RBFOX2: variants seen among roughly 807,000 people sequenced by gnomAD.
RBFOX2 encodes the protein RNA binding protein fox-1 homolog 2.
Under a neutral mutation model 49.1 loss-of-function variants are expected in RBFOX2, and 10 were observed. The ratio of observed to expected loss-of-function variants is 0.20; its 90% CI spans 0.13 to 0.35. The LOEUF is 0.35. RBFOX2 is among the 10% of genes least tolerant of loss of function. RBFOX2 has a pLI of 1.00. For missense variants in RBFOX2, 323 were observed against 486.9 expected (o/e 0.66, Z 3.17); for synonymous variants, 183 against 187.4 (o/e 0.98, Z 0.19).
chr22:35,951,242 T>C (rs1302032481), intron 1 of RBFOX2, among the ~76,000 whole-genome samples: 1 of 71,706 alleles, frequency 1.4e-5, no homozygotes, highest in Admixed American at 1.3e-4. Context: ...CACCCGGCCC[T>C]TTTTTTTTTT....
intron 1 of RBFOX2, among the ~76,000 whole-genome samples, chr22:35,916,228 CAT>C (rs1185224541): frequency 6.6e-6 from 1 of 152,176 alleles, no homozygotes; most frequent in African/African-American, 2.4e-5. Context: ...CCAGTTTCTT[CAT>C]TGGTAAAATA....
chr22:35,989,968 G>A (rs2057900125), intron 1 of RBFOX2, among the ~76,000 whole-genome samples: 1 of 152,172 alleles, frequency 6.6e-6, no homozygotes, highest in African/African-American at 2.4e-5. Context: ...GATCACTGGA[G>A]GTCAGGAGTT....
rs575677453 is a variant in RBFOX2, at chr22:35,909,242, G to A, written c.-34+29605C>T. Among the ~76,000 whole-genome samples the A allele has an allele frequency of 2.0e-5, 3 of 152,220 alleles. No homozygotes were observed. In the South Asian group the frequency reaches 6.2e-4, roughly 32 times the overall value. ...AGAGGCCAAGGTGAGAGGATCGCTT[G>A]GGGCCAGGAATTTGAGACCAGCCTA... On this transcript the variant is annotated intron_variant, in intron 1 of 13. Coordinates refer to the RBFOX2 transcript ENST00000359369.
rs148282290 is a variant in RBFOX2, at chr22:35,774,152, T to C, written c.453+3873A>G. On this transcript the variant is annotated intron_variant, in intron 4 of 11. Coordinates refer to ENST00000405409, the Ensembl canonical transcript of RBFOX2. ...CCAAAGCATATATAAGGAGAGTAAA[T>C]AGTTTATCATTCAAACTGGGACATT... Among the ~76,000 whole-genome samples the C allele has an allele frequency of 2.9e-3, 446 of 152,186 alleles. 5 individuals carry two copies. The South Asian group carries it at 0.029, about 10-fold the overall frequency.
chr22:36,012,354 T>C (rs762295236), intron 1 of RBFOX2, among the ~76,000 whole-genome samples: 1 of 152,180 alleles, frequency 6.6e-6, no homozygotes. Context: ...AGGTATATTT[T>C]CAGCTGAAAC....
At chr22:35,897,274 C>T (rs1047402481) in intron 1 of RBFOX2, 22 of 1,506,090 alleles carry the variant, frequency 1.5e-5, no homozygotes, top group African/African-American at 2.8e-5. Context: ...TAAATGTTGA[C>T]GGTCTTGGCC....
chr22:35,969,758 T>C (rs1178138469), intron 1 of RBFOX2, among the ~76,000 whole-genome samples: 1 of 152,254 alleles, frequency 6.6e-6, no homozygotes, highest in Non-Finnish European at 1.5e-5. Context: ...TCTTTTTAAC[T>C]ACCACATTAC....
intron 1 of RBFOX2, among the ~76,000 whole-genome samples, chr22:35,950,869 C>G (rs2054835002): frequency 6.6e-6 from 1 of 151,814 alleles, no homozygotes; most frequent in South Asian, 2.1e-4. Context: ...ATAGATACAG[C>G]AGATCTATAT....
At chr22:35,955,424 A>G (rs1477516078) in intron 1 of RBFOX2, among the ~76,000 whole-genome samples, 2 of 152,202 alleles carry the variant, frequency 1.3e-5, no homozygotes, top group South Asian at 2.1e-4. Context: ...AAACTAAACC[A>G]GTGAGAAGAG....
At chr22:35,896,449 A>G (rs2047854369) in intron 1 of RBFOX2, among the ~76,000 whole-genome samples, 1 of 152,144 alleles carries the variant, frequency 6.6e-6, no homozygotes, top group South Asian at 2.1e-4. Flanking sequence ...CCCCTCAGAC[A>G]TGCTGAAACA....
chr22:35,795,458 T>C (rs1948614285), intron 2 of RBFOX2, among the ~76,000 whole-genome samples: 1 of 151,982 alleles, frequency 6.6e-6, no homozygotes, highest in African/African-American at 2.4e-5. Flanking sequence ...TTTGGGCAAA[T>C]GATCCCACTG....
At chr22:36,016,660 T>C (rs1419527978) in intron 1 of RBFOX2, among the ~76,000 whole-genome samples, 3 of 152,226 alleles carry the variant, frequency 2.0e-5, no homozygotes, top group Non-Finnish European at 4.4e-5. Context: ...AACCCACGTC[T>C]TATGGCTGAA....
chr22:35,777,981 C>T (rs1482278978), intron 4 of RBFOX2, 44 bp downstream of exon 5: 1 of 1,540,788 alleles, frequency 6.5e-7, no homozygotes, highest in East Asian at 2.2e-5. Flanking sequence ...TAACATAAAA[C>T]TCAAAAAGAA....
intron 1 of RBFOX2, among the ~76,000 whole-genome samples, chr22:35,896,671 G>A (rs556979443): frequency 6.6e-4 from 101 of 152,178 alleles, no homozygotes; most frequent in African/African-American, 2.2e-3. Context: ...TTCCGCAGAC[G>A]AACGTTTTCT....
intron 1 of RBFOX2, among the ~76,000 whole-genome samples, chr22:35,917,354 T>A (rs2050545096): frequency 6.6e-6 from 1 of 151,980 alleles, no homozygotes; most frequent in African/African-American, 2.4e-5. Flanking sequence ...TCTGTTAGGG[T>A]CATGGGGCAG....
chr22:35,959,813 G>A (rs1377547620), intron 1 of RBFOX2, among the ~76,000 whole-genome samples: 1 of 152,202 alleles, frequency 6.6e-6, no homozygotes, highest in African/African-American at 2.4e-5. Context: ...TGTCCATGGG[G>A]GACTGTTTTG....
At chr22:35,808,282 T>TTAAA (rs59761754) in intron 2 of RBFOX2, among the ~76,000 whole-genome samples, 34,208 of 151,912 alleles carry the variant, frequency 0.23, 5,935 homozygotes, top group African/African-American at 0.49. Context: ...GCCTAGACTC[T>TTAAA]TAAATTATCT....
In RBFOX2 at chr22:35,759,185, G is replaced by A. The variant is rs976010638; in HGVS notation, c.887+703C>T. Among the ~76,000 whole-genome samples the A allele has an allele frequency of 6.6e-6, 1 of 151,998 alleles. No homozygotes were observed. Among genetic ancestry groups the A allele is most frequent in the Non-Finnish European group, 1.5e-5 (1 of 67,998 alleles). ...CCATTCAGTAGCAAAGGATTTATTT[G>A]TTGCTATGGAATCATTCCACTGCAT... On this transcript the variant is annotated intron_variant, in intron 9 of 11. Coordinates refer to ENST00000405409, the Ensembl canonical transcript of RBFOX2. The surrounding 1 kb of genome is among the most constrained non-coding windows in gnomAD (Gnocchi z 4.6).
intron 1 of RBFOX2, among the ~76,000 whole-genome samples, chr22:35,860,879 T>C (rs925572580): frequency 6.6e-6 from 1 of 152,198 alleles, no homozygotes; most frequent in Non-Finnish European, 1.5e-5. Flanking sequence ...ATTATGACTA[T>C]CTTTTCTCTA....
Sources: allele counts gnomAD v4.1 joint callset (sites outside exome capture counted in the v4.1 genomes callset), GRCh38; gene constraint gnomAD v4.1.1; non-coding constraint Gnocchi (gnomAD v3.1); transcripts MANE v1.5; gene names NCBI Gene and HGNC (gene_info 2026-07-23, HGNC 2026-07-21).